Variants in KIF13B observed in about 807,000 individuals in gnomAD.
KIF13B encodes kinesin family member 13B.
In KIF13B, 127 loss-of-function variants were observed where a neutral mutation model predicts 222.0. The ratio of observed to expected loss-of-function variants is 0.57; its 90% CI spans 0.50 to 0.66. The LOEUF (loss-of-function observed/expected upper bound fraction) is 0.66, where lower values mean the gene tolerates loss of function less well. Ranked by LOEUF, KIF13B falls within the 30% of genes least tolerant of loss-of-function variation. The probability of loss-of-function intolerance (pLI) is 0.00; values close to 1 mark genes in which losing one functional copy is unlikely to be tolerated. For synonymous variants in KIF13B, 976 were observed against 919.0 expected, an observed-to-expected ratio of 1.06 and a Z score of -1.12; for missense variants, 2,173 against 2,379.0, an observed-to-expected ratio of 0.91 and a Z score of 1.80.
intron 2 of KIF13B, among the ~76,000 whole-genome samples, chr8:29,221,694 T>C (rs953813854): frequency 2.0e-5 from 3 of 152,292 alleles, no homozygotes; most frequent in South Asian, 2.1e-4. Context: ...CAAAAGAATT[T>C]TGTGAAGCCT....
intron 2 of KIF13B, among the ~76,000 whole-genome samples, chr8:29,236,468 C>G (rs1242404159): frequency 2.6e-5 from 4 of 152,090 alleles, no homozygotes. Flanking sequence ...TTCTCCATAA[C>G]AAAAGTTTTT....
intron 35 of KIF13B, among the ~76,000 whole-genome samples, chr8:29,107,497 C>T (rs1350275095): frequency 6.6e-6 from 1 of 151,752 alleles, no homozygotes; most frequent in Non-Finnish European, 1.5e-5. Context: ...CATTGCACTC[C>T]AGCCTGGGTG....
In KIF13B at chr8:29,096,448, A is replaced by AC; in HGVS notation, c.4324+2684dup. Among the ~76,000 whole-genome samples, 4 of 151,622 alleles carry AC rather than the reference A, an allele frequency of 2.6e-5. No homozygotes were observed. In the Middle Eastern group the frequency reaches 0.01, roughly 395 times the overall value. On this transcript the variant is annotated intron_variant, in intron 36 of 39. Coordinates refer to ENST00000524189, the MANE Select transcript of KIF13B (RefSeq NM_015254.4). Reference sequence around the variant, plus strand: ...CTGAGTAGAGGGACTACAAGTGTGTACCACCACGCTCAGCTGATTTTTGTA... The same window carrying AC: ...CTGAGTAGAGGGACTACAAGTGTGTACCCACCACGCTCAGCTGATTTTTGTA...
At chr8:29,240,047 A>G (rs1815697532) in intron 2 of KIF13B, among the ~76,000 whole-genome samples, 1 of 151,978 alleles carries the variant, frequency 6.6e-6, no homozygotes, top group South Asian at 2.1e-4. Flanking sequence ...GAAAAAAAAA[A>G]AAAGAAAGAA....
intron 2 of KIF13B, among the ~76,000 whole-genome samples, chr8:29,235,423 T>C (rs1815465497): frequency 6.6e-6 from 1 of 152,190 alleles, no homozygotes; most frequent in Admixed American, 6.5e-5. Context: ...TCTTGAGAAG[T>C]ACCCTTCAGA....
At chr8:29,243,468 C>A (rs879445956) in intron 2 of KIF13B, among the ~76,000 whole-genome samples, 1 of 151,906 alleles carries the variant, frequency 6.6e-6, no homozygotes, top group Non-Finnish European at 1.5e-5. Context: ...ACCAGGCTGG[C>A]CAACATGGCA....
At chr8:29,206,644 A>G (rs1813955559) in intron 2 of KIF13B, among the ~76,000 whole-genome samples, 1 of 152,196 alleles carries the variant, frequency 6.6e-6, no homozygotes, top group Non-Finnish European at 1.5e-5. Context: ...ATAGTCATTC[A>G]TTCAGCAAAT....
chr8:29,123,239 A>T, intron 28 of KIF13B, 127 bp downstream of exon 28: 1 of 1,055,088 alleles, frequency 9.5e-7, no homozygotes. Flanking sequence ...CAGTTCCTTT[A>T]ATTTAAACAA....
intron 37 of KIF13B, among the ~76,000 whole-genome samples, chr8:29,091,874 T>TTATATA (rs1203479540): frequency 6.6e-6 from 1 of 152,208 alleles, no homozygotes; most frequent in Non-Finnish European, 1.5e-5. Context: ...ATTTATATGC[T>TTATATA]TATATAAAGC....
chr8:29,068,268 AAAG>A lies in KIF13B; in HGVS notation c.*2233_*2235del, dbSNP rs1807090020. 1 of 152,260 alleles carries A rather than the reference AAAG, an allele frequency of 6.6e-6. No individual in the cohort carries two copies. The highest frequency in any genetic ancestry group is 2.4e-5 in the African/African-American group (1 of 41,410). 9.4% of individuals were successfully genotyped at this position (152,260 alleles called of 1,614,324 possible). A position where few individuals can be genotyped will look rare whatever the true frequency, so the allele number is the denominator to read the frequency against. ...GAGTCTGCTGGTCAGGGAGGCAAGA[AAAG>A]AAGATAGAAGACGGAGGCCAGCCCG... is the stretch of plus-strand genomic sequence containing the variant. On this transcript the variant is annotated 3_prime_UTR_variant, in exon 40 of 40. Transcript: ENST00000524189. The surrounding 1 kb of genome is among the most constrained non-coding windows in gnomAD (Gnocchi z 4.4).
chr8:29,089,725 C>A (rs181654526), intron 37 of KIF13B, among the ~76,000 whole-genome samples: 11 of 151,912 alleles, frequency 7.2e-5, no homozygotes, highest in African/African-American at 2.7e-4. Flanking sequence ...GAAACCCCGT[C>A]TCTACTAAAA....
In KIF13B at chr8:29,085,292, G is replaced by GAA. The variant is rs1315065522; in HGVS notation, c.4458+7451_4458+7452dup. ...GTATCTTTGCATGAGGGAGGGAACT[G>GAA]AACATTCTTGTCTGAAAATGTGAAG... On this transcript the variant is annotated intron_variant, in intron 37 of 39. Transcript: ENST00000524189. 4.6e-5 allele frequency among the ~76,000 whole-genome samples: 7 copies of GAA among 152,270 alleles called. No individual in the cohort carries two copies. In the East Asian group the frequency reaches 1.4e-3, roughly 29 times the overall value.
intron 14 of KIF13B, among the ~76,000 whole-genome samples, chr8:29,151,281 G>A (rs905815319): frequency 6.6e-6 from 1 of 152,194 alleles, no homozygotes; most frequent in Non-Finnish European, 1.5e-5. Flanking sequence ...GCAGAGGTCG[G>A]TTCATGAGGT....
chr8:29,177,306 A>G (rs1457689498), intron 9 of KIF13B, among the ~76,000 whole-genome samples, 160 bp downstream of exon 9: 3 of 152,236 alleles, frequency 2.0e-5, no homozygotes, highest in Non-Finnish European at 4.4e-5. Context: ...TGTGCTCTTC[A>G]GCCCCATCAG....
intron 14 of KIF13B, among the ~76,000 whole-genome samples, chr8:29,150,608 T>C (rs1460487214): frequency 3.3e-5 from 5 of 152,254 alleles, no homozygotes; most frequent in African/African-American, 9.6e-5. Context: ...CTTTGCTTTA[T>C]TGTGCTTTGC....
rs1221495422 is a variant in KIF13B, at chr8:29,109,410, C to A, written c.4161+24G>T. 11 of 1,583,652 alleles carry A rather than the reference C, an allele frequency of 6.9e-6. 1 individual carries two copies. Among genetic ancestry groups the A allele is most frequent in the Non-Finnish European group, 8.7e-6 (10 of 1,152,316 alleles). On this transcript the variant is annotated intron_variant, in intron 34 of 39. Transcript: ENST00000524189. ...GAGGAGAGAAGTCCCAGGCACAGCA[C>A]AGAGCTTGGTTCCACACACTCACTC...
In KIF13B at chr8:29,123,378, GCC is replaced by G; in HGVS notation, c.3465_3466del (p.Ala1156ProfsTer24). On this transcript the variant is annotated frameshift_variant, in exon 28 of 40. Coordinates refer to ENST00000524189, the MANE Select transcript of KIF13B (RefSeq NM_015254.4). LOFTEE classifies it high-confidence loss of function. ...ACAGGGTTCATACCATTCTGCTGGG[GCC>G]CCTGGAATACCACTGCCAGCAGAGG... is the stretch of plus-strand genomic sequence containing the variant. 6.2e-7 allele frequency: 1 copy of G among 1,613,856 alleles called. No homozygotes were observed. Among genetic ancestry groups the G allele is most frequent in the South Asian group, 1.1e-5 (1 of 91,076 alleles).
At chr8:29,166,665 T>C (rs1051727483) in intron 11 of KIF13B, among the ~76,000 whole-genome samples, 9 of 147,142 alleles carry the variant, frequency 6.1e-5, no homozygotes, top group Non-Finnish European at 8.9e-5. Flanking sequence ...GATCACACCA[T>C]TGCACTCCAG....
Position 29,116,977 on chromosome 8 carries a change from C to A in KIF13B, c.3691G>T (p.Val1231Leu). The change falls in exon 31 of 40, where the codon GTG (valine) becomes TTG (leucine). Residue 1231 changes from valine (V) to leucine (L), a missense_variant. Physicochemically the swap from Val to Leu is conservative, Grantham distance 32 (BLOSUM62 1). Coordinates refer to ENST00000524189, the MANE Select transcript of KIF13B (RefSeq NM_015254.4). ...CTGCTGAGCTGAGGGCAGCCATGCA[C>A]CGCGGAGTCCCAGGAGGCTTCTGCT... Reference protein sequence around the residue: ...VKAEASWDSAVHGCPQLSRGT... With the variant: ...VKAEASWDSALHGCPQLSRGT... The A allele has an allele frequency of 1.9e-6, 3 of 1,600,514 alleles. No homozygotes were observed. Among genetic ancestry groups the A allele is most frequent in the Non-Finnish European group, 2.6e-6 (3 of 1,170,522 alleles).
Sources: gnomAD v4.1 joint callset for allele counts (sites outside exome capture counted in the v4.1 genomes callset) on GRCh38, gnomAD v4.1.1 for gene constraint, Gnocchi (gnomAD v3.1) non-coding constraint, MANE v1.5 for transcripts, NCBI Gene and HGNC (gene_info 2026-07-23, HGNC 2026-07-21) for gene names.